The following CES3 variants were observed in gnomAD, a reference collection of about 807,000 sequenced individuals.
The protein encoded by CES3 is carboxylesterase 3 (brain).
Under a neutral mutation model 57.6 loss-of-function variants are expected in CES3, and 49 were observed. The observed-to-expected ratio is 0.85, with a 90% CI of 0.68 to 1.08. The LOEUF (loss-of-function observed/expected upper bound fraction) is 1.08, where lower values mean the gene tolerates loss of function less well. Among genes scored for constraint, CES3 ranks in the 50% least tolerant of loss-of-function variants. The pLI, the probability that CES3 is intolerant of heterozygous loss-of-function variation, is 0.00. For synonymous variants in CES3, 266 were observed against 281.6 expected, an observed-to-expected ratio of 0.94 and a Z score of 0.55; for missense variants, 645 against 742.0, an observed-to-expected ratio of 0.87 and a Z score of 1.52.
At chr16:66,969,469 A>T (rs1963792584) in intron 8 of CES3, among the ~76,000 whole-genome samples, 1 of 152,068 alleles carries the variant, frequency 6.6e-6, no homozygotes, top group Non-Finnish European at 1.5e-5. Context: ...TGCCTGTTGT[A>T]TTTGGGGCTG....
intron 6 of CES3, among the ~76,000 whole-genome samples, chr16:66,965,715 C>T (rs777468949): frequency 1.3e-4 from 20 of 152,128 alleles, no homozygotes; most frequent in African/African-American, 4.3e-4. Context: ...CTGAGGTTGG[C>T]GGATCACAAA....
At position 66,973,132 on chromosome 16, in the gene CES3, C is replaced by G. The variant is rs1054217115; in HGVS notation, c.*83C>G. On this transcript the variant is annotated 3_prime_UTR_variant, in exon 13 of 13. Transcript: ENST00000303334. ...CCAGCACGGCAGCCCGCCTCTCCCC[C>G]TGCTGAGACTTTAATCTCCACCAGC... is the stretch of plus-strand genomic sequence containing the variant. The G allele has an allele frequency of 4.1e-6, 5 of 1,232,604 alleles. No individual in the cohort carries two copies. The highest frequency in any genetic ancestry group is 2.2e-5 in the Admixed American group (1 of 45,196). 76.4% of individuals were successfully genotyped at this position (1,232,604 alleles called of 1,614,324 possible). A position where few individuals can be genotyped will look rare whatever the true frequency, so the allele number is the denominator to read the frequency against.
In CES3 at chr16:66,964,287, T is replaced by A. The variant is rs3848288; in HGVS notation, c.561-70T>A. 5.0e-5 allele frequency: 78 copies of A among 1,574,224 alleles called. No individual in the cohort carries two copies. The South Asian group carries it at 7.2e-4, about 15-fold the overall frequency. Reference sequence around the variant, plus strand: ...AAGGGTCTGGCATCCTGGTGGCTAATTCAAAGCAAACCTGCAGAGGCTGGC... The same window carrying A: ...AAGGGTCTGGCATCCTGGTGGCTAAATCAAAGCAAACCTGCAGAGGCTGGC... On this transcript the variant is annotated intron_variant, in intron 4 of 12. Transcript: ENST00000303334.
In CES3 at chr16:66,964,444, C is replaced by CG; in HGVS notation, c.653dup (p.Asp219Ter). 5 of 1,614,106 alleles carry CG rather than the reference C, an allele frequency of 3.1e-6. 1 individual carries two copies. Among genetic ancestry groups the CG allele is most frequent in the Non-Finnish European group, 4.2e-6 (5 of 1,179,996 alleles). The stretch of plus-strand genomic sequence containing the variant: ...GGGTGCAAGAAAACATCGCCCCCTT[C>CG]GGGGGTGACCTCAACTGTGTCACTG... On this transcript the variant is annotated frameshift_variant, in exon 5 of 13. Coordinates refer to ENST00000303334, the MANE Select transcript of CES3 (RefSeq NM_024922.6). LOFTEE classifies it high-confidence loss of function.
chr16:66,966,186 G>T, intron 6 of CES3, 58 bp from the exon 7 acceptor site: 1 of 1,501,594 alleles, frequency 6.7e-7, no homozygotes, highest in Non-Finnish European at 9.2e-7. Context: ...GAGGCAGAAG[G>T]CTGCAAGGTG....
At chr16:66,965,880 C>T (rs182383322) in intron 6 of CES3, among the ~76,000 whole-genome samples, 145 of 152,210 alleles carry the variant, frequency 9.5e-4, no homozygotes, top group African/African-American at 3.2e-3. Context: ...GCAGAGCTTG[C>T]GGTGAGCCAA....
Position 66,966,062 on chromosome 16 carries a change from C to T in CES3, c.820-182C>T, listed in dbSNP as rs529561126. Among the ~76,000 whole-genome samples the T allele has an allele frequency of 2.6e-5, 4 of 152,194 alleles. No homozygotes were observed. The East Asian group carries it at 7.7e-4, about 29-fold the overall frequency. The stretch of plus-strand genomic sequence containing the variant: ...GGACGCAAGGGGGCCCTTGGGACCA[C>T]CCAAGCTGACGGGCAGGGCAGGCTT... On this transcript the variant is annotated intron_variant, in intron 6 of 12. Coordinates refer to ENST00000303334, the MANE Select transcript of CES3 (RefSeq NM_024922.6).
At chr16:66,969,631 G>T (rs1963795095) in intron 8 of CES3, 48 bp from the exon 9 acceptor site, 2 of 1,568,302 alleles carry the variant, frequency 1.3e-6, no homozygotes, top group Non-Finnish European at 1.7e-6. Context: ...GGGAGTCGGG[G>T]TGAGCCGGTG....
At chr16:66,971,407 T>C in intron 10 of CES3, 88 bp downstream of exon 10, 1 of 1,421,010 alleles carries the variant, frequency 7.0e-7, no homozygotes. Context: ...GATAGGGTGC[T>C]GGTTCCCTCA....
chr16:66,972,694 A>G lies in CES3; in HGVS notation c.1468A>G (p.Lys490Glu), dbSNP rs150852604. 1.3e-4 allele frequency: 211 copies of G among 1,614,130 alleles called. 1 individual carries two copies. The African/African-American group carries it at 2.7e-3, about 21-fold the overall frequency. Residue 490 changes from lysine (K) to glutamate (E), a missense_variant, in exon 12 of 13, where the codon AAG becomes GAG. Physicochemically the swap from Lys to Glu is moderately conservative, Grantham distance 56. Transcript: ENST00000303334. ...CTTTCCAGAGGCCACAGAGGAGGAGAAGCAGCTAAGCCTCACCATGATGGC... is the reference window on the plus strand; with the variant it reads ...CTTTCCAGAGGCCACAGAGGAGGAGGAGCAGCTAAGCCTCACCATGATGGC... ...LAFPEATEEE[K>E]QLSLTMMAQW...
chr16:66,965,525 CTG>C (rs1484339349), intron 6 of CES3, among the ~76,000 whole-genome samples: 1 of 152,194 alleles, frequency 6.6e-6, no homozygotes. Flanking sequence ...ATTTTAACCA[CTG>C]TGTACAAGAT....
At chr16:66,968,011 G>C (rs1006249760) in intron 8 of CES3, 4 of 152,836 alleles carry the variant, frequency 2.6e-5, no homozygotes, top group African/African-American at 7.3e-5. Flanking sequence ...CTCTTGCCTC[G>C]ACCTCCCACA....
At position 66,964,381 on chromosome 16, in the gene CES3, C is replaced by T; in HGVS notation, c.585C>T (p.Gly195=). The part of the protein sequence containing the change: ...FFSTGDEHAP[G]NQGFLDVVAA... ...GCACTGGAGATGAGCATGCACCTGGCAACCAGGGCTTCCTAGATGTGGTAG... is the reference window on the plus strand; with the variant it reads ...GCACTGGAGATGAGCATGCACCTGGTAACCAGGGCTTCCTAGATGTGGTAG... Residue 195 remains glycine, a synonymous_variant, in exon 5 of 13, where the codon GGC becomes GGT. Coordinates refer to ENST00000303334, the MANE Select transcript of CES3 (RefSeq NM_024922.6). 1 of 1,614,030 alleles carries T rather than the reference C, an allele frequency of 6.2e-7. No homozygotes were observed. Among genetic ancestry groups the T allele is most frequent in the Non-Finnish European group, 8.5e-7 (1 of 1,180,006 alleles).
chr16:66,971,118 G>A, intron 9 of CES3, 54 bp from the exon 10 acceptor site: 1 of 1,554,448 alleles, frequency 6.4e-7, no homozygotes, highest in East Asian at 2.3e-5. Context: ...TTCCTGGGAT[G>A]GTCTGCCACA....
At position 66,963,719 on chromosome 16, in the gene CES3, G is replaced by A. The variant is rs778158828; in HGVS notation, c.427-83G>A. On this transcript the variant is annotated intron_variant, in intron 3 of 12. Transcript: ENST00000303334. This position sits in a 1 kb window ranked among gnomAD's most constrained non-coding sequence, Gnocchi z 4.9. ...GTCCCTGTTTCCAAAGCACCCTAGC[G>A]GTCCTGAGACTGCCTGGGCTGGCAG... 175 of 1,611,714 alleles carry A rather than the reference G, an allele frequency of 1.1e-4. No individual in the cohort carries two copies. Among genetic ancestry groups the A allele is most frequent in the South Asian group, 1.0e-3 (91 of 91,002 alleles).
Position 66,963,882 on chromosome 16 carries a change from G to T in CES3, c.507G>T (p.Gly169=). Reference sequence around the variant, plus strand: ...ATGGATCAGCTCTGGCTGCCTATGGGGATGTGGTCGTGGTTACAGTCCAGT... The same window carrying T: ...ATGGATCAGCTCTGGCTGCCTATGGTGATGTGGTCGTGGTTACAGTCCAGT... ...SYDGSALAAY[G]DVVVVTVQYR... The change falls in exon 4 of 13, where the codon GGG becomes GGT. Residue 169 remains glycine, a synonymous_variant. Transcript: ENST00000303334. The surrounding 1 kb of genome is among the most constrained non-coding windows in gnomAD (Gnocchi z 4.9). 1 of 1,614,198 alleles carries T rather than the reference G, an allele frequency of 6.2e-7. No individual in the cohort carries two copies. The highest frequency in any genetic ancestry group is 8.5e-7 in the Non-Finnish European group (1 of 1,180,006).
rs760568037 is a variant in CES3 at position 66,963,686 on chromosome 16, C to G, written c.426+57C>G. ...TCCAGCTCCACTATGCCTACCTGTCCCCTCCCCGTCCCTGTTTCCAAAGCA... is the reference window on the plus strand; with the variant it reads ...TCCAGCTCCACTATGCCTACCTGTCGCCTCCCCGTCCCTGTTTCCAAAGCA... On this transcript the variant is annotated intron_variant, in intron 3 of 12. Transcript: ENST00000303334. The surrounding 1 kb of genome is among the most constrained non-coding windows in gnomAD (Gnocchi z 4.9). 1.2e-6 allele frequency: 2 copies of G among 1,613,078 alleles called. No homozygotes were observed. The highest frequency in any genetic ancestry group is 4.5e-5 in the East Asian group (2 of 44,858).
chr16:66,964,740 T>C lies in CES3; in HGVS notation c.819+13T>C, dbSNP rs369564656. 414 of 1,606,580 alleles carry C rather than the reference T, an allele frequency of 2.6e-4. 5 individuals carry two copies. The South Asian group carries it at 4.1e-3, about 16-fold the overall frequency. On this transcript the variant is annotated intron_variant, in intron 6 of 12. Transcript: ENST00000303334. Reference sequence around the variant, plus strand: ...GCCCCTAGCTCAGGTCTGTATTTCCTTCCCTCTCTTACTCTATGTGTGCCT... The same window carrying C: ...GCCCCTAGCTCAGGTCTGTATTTCCCTCCCTCTCTTACTCTATGTGTGCCT...
chr16:66,966,919 C>A, intron 8 of CES3, 54 bp downstream of exon 8: 4 of 1,597,672 alleles, frequency 2.5e-6, no homozygotes, highest in Non-Finnish European at 2.6e-6. Flanking sequence ...CCAGTACCTG[C>A]CACCCCAGCA....
Sources: gnomAD v4.1 joint callset for allele counts (sites outside exome capture counted in the v4.1 genomes callset) on GRCh38, gnomAD v4.1.1 for gene constraint, Gnocchi (gnomAD v3.1) non-coding constraint, MANE v1.5 for transcripts, NCBI Gene and HGNC (gene_info 2026-07-23, HGNC 2026-07-21) for gene names.